The following CMYA5 variants were observed in gnomAD, a reference collection of about 807,000 sequenced individuals.
CMYA5 encodes cardiomyopathy-associated protein 5.
CMYA5 carries 246 observed loss-of-function variants against 318.9 expected under a neutral mutation model. The observed-to-expected ratio is 0.77, with a 90% CI of 0.70 to 0.86. The LOEUF is 0.86. Among genes scored for constraint, CMYA5 ranks in the 40% least tolerant of loss-of-function variants. The pLI, the probability that CMYA5 is intolerant of heterozygous loss-of-function variation, is 0.00. For missense variants in CMYA5, 4,589 were observed against 4,678.2 expected, an observed-to-expected ratio of 0.98 and a Z score of 0.56; for synonymous variants, 1,641 against 1,729.5, an observed-to-expected ratio of 0.95 and a Z score of 1.27.
At chr5:79,771,223 C>T (rs1828850197) in intron 9 of CMYA5, among the ~76,000 whole-genome samples, 1 of 152,210 alleles carries the variant, frequency 6.6e-6, no homozygotes, top group Non-Finnish European at 1.5e-5. Context: ...TATTAGCAGT[C>T]AGGATTTAAA....
rs747292680 is a variant in CMYA5, at chr5:79,732,540, G to A, written c.3775G>A (p.Val1259Ile). The change falls in exon 2 of 13, where the codon GTT becomes ATT. Residue 1259 changes from valine (V) to isoleucine (I), a missense_variant. By Grantham distance (29) the Val-to-Ile change is conservative. Coordinates refer to ENST00000446378, the MANE Select transcript of CMYA5 (RefSeq NM_153610.5). ...EPKKGVKPKL[V>I]LNVTSELEQR... ...AAAGAAGGGTGTCAAGCCCAAATTAGTTCTAAATGTGACTTCTGAACTAGA... is the reference window on the plus strand; with the variant it reads ...AAAGAAGGGTGTCAAGCCCAAATTAATTCTAAATGTGACTTCTGAACTAGA... 2.2e-5 allele frequency: 35 copies of A among 1,612,984 alleles called. No homozygotes were observed. The highest frequency in any genetic ancestry group is 1.6e-4 in the Middle Eastern group (1 of 6,082).
rs775173473 is a variant in CMYA5 at position 79,790,985 on chromosome 5, T to G, written c.11705T>G (p.Leu3902Trp). The G allele has an allele frequency of 3.1e-6, 5 of 1,612,740 alleles. No homozygotes were observed. The African/African-American group carries it at 6.7e-5, about 21-fold the overall frequency. Residue 3902 changes from leucine to tryptophan, a missense_variant, in exon 11 of 13, where the codon TTG becomes TGG. Leu to Trp is a moderately conservative substitution (Grantham distance 61). Around this residue, in one of 3 missense-constraint regions of CMYA5, gnomAD observed 2,431 missense variants for 2,495.1 expected, o/e 0.97. Transcript: ENST00000446378. ...LISTRGTRFLLLRETAHPALH... is the reference protein window; with the variant it reads ...LISTRGTRFLWLRETAHPALH... ...CCTGCAATAGGAACCAGATTTCTCT[T>G]GTTGAGAGAAACAGCTCATCCTGCT... is the stretch of plus-strand genomic sequence containing the variant.
intron 9 of CMYA5, among the ~76,000 whole-genome samples, chr5:79,777,458 A>G (rs1033176922): frequency 2.6e-5 from 4 of 152,156 alleles, no homozygotes; most frequent in African/African-American, 9.7e-5. Context: ...ATCAATACAT[A>G]TGAAACTACT....
intron 9 of CMYA5, among the ~76,000 whole-genome samples, chr5:79,785,465 T>C (rs567835621): frequency 2.4e-4 from 37 of 152,256 alleles, no homozygotes; most frequent in Admixed American, 5.9e-4. Flanking sequence ...TCTTTTTTTG[T>C]TTCCCTCAGT....
At chr5:79,690,155 T>TCGAG in intron 1 of CMYA5, 99 bp downstream of exon 1, 1 of 1,356,634 alleles carries the variant, frequency 7.4e-7, no homozygotes. Flanking sequence ...TTCGTTTGCC[T>TCGAG]CGAGCTAGGC....
Position 79,793,469 on chromosome 5 carries a change from CCT to C in CMYA5, c.11823_11824del (p.Cys3942TrpfsTer43). The C allele has an allele frequency of 6.2e-7, 1 of 1,613,642 alleles. No homozygotes were observed. Among genetic ancestry groups the C allele is most frequent in the South Asian group, 1.1e-5 (1 of 91,066 alleles). On this transcript the variant is annotated frameshift_variant, in exon 12 of 13. Coordinates refer to ENST00000446378, the MANE Select transcript of CMYA5 (RefSeq NM_153610.5). LOFTEE classifies it high-confidence loss of function. ...TCAGTGCTGGGTGAGGAGCTGCCTT[CCT>C]GTGGCCAGCATTACTGGGAAACCAC...
At chr5:79,718,811 T>C (rs761247243) in intron 1 of CMYA5, among the ~76,000 whole-genome samples, 2 of 152,174 alleles carry the variant, frequency 1.3e-5, no homozygotes, top group Non-Finnish European at 2.9e-5. Context: ...TTTTCTGTGT[T>C]TAGCTGTACA....
At position 79,732,799 on chromosome 5, in the gene CMYA5, A is replaced by C. The variant is rs1202456239; in HGVS notation, c.4034A>C (p.Lys1345Thr). 1.1e-5 allele frequency: 17 copies of C among 1,613,642 alleles called. No homozygotes were observed. The highest frequency in any genetic ancestry group is 1.4e-5 in the Non-Finnish European group (17 of 1,179,822). ...TCAGCTTTGTCAGAAGAAATTAAAAAAGAAATTGAACCCAGTTCCTCAACA... is the reference window on the plus strand; with the variant it reads ...TCAGCTTTGTCAGAAGAAATTAAAACAGAAATTGAACCCAGTTCCTCAACA... ...AFSALSEEIK[K>T]EIEPSSSTTT... is the part of the protein sequence containing the mutation. The change falls in exon 2 of 13, where the codon AAA (lysine) becomes ACA (threonine). Residue 1345 changes from lysine (K) to threonine (T), a missense_variant. By Grantham distance (78) the Lys-to-Thr change is moderately conservative (BLOSUM62 -1). Around this residue, in one of 3 missense-constraint regions of CMYA5, gnomAD observed 2,132 missense variants for 2,131.3 expected, o/e 1.00. Transcript: ENST00000446378.
chr5:79,736,258 T>C lies in CMYA5; in HGVS notation c.7493T>C (p.Leu2498Pro), dbSNP rs1391739196. Residue 2498 changes from leucine (L) to proline (P), a missense_variant, in exon 2 of 13, where the codon CTT becomes CCT. Around this residue, in one of 3 missense-constraint regions of CMYA5, gnomAD observed 2,431 missense variants for 2,495.1 expected, o/e 0.97. Coordinates refer to ENST00000446378, the MANE Select transcript of CMYA5 (RefSeq NM_153610.5). Reference protein sequence around the residue: ...SNEIGKTQITLGSRSTELKES... With the variant: ...SNEIGKTQITPGSRSTELKES... ...GAAATAGGGAAGACACAAATTACAC[T>C]TGGATCTAGATCTACTGAACTGAAA... 13 of 1,613,356 alleles carry C rather than the reference T, an allele frequency of 8.1e-6. No individual in the cohort carries two copies. The highest frequency in any genetic ancestry group is 1.1e-5 in the Non-Finnish European group (13 of 1,179,732).
In CMYA5 at chr5:79,734,155, C is replaced by A. The variant is rs1306185446; in HGVS notation, c.5390C>A (p.Pro1797Gln). The change falls in exon 2 of 13, where the codon CCA (proline) becomes CAA (glutamine). Residue 1797 changes from proline (P) to glutamine (Q), a missense_variant. Pro to Gln is a moderately conservative substitution (Grantham distance 76, BLOSUM62 -1). Transcript: ENST00000446378. ...AAGCTAAGTGAAGAAACAGGCCACCCAAATTCATCCCAGGTACTCCAGAGT... is the reference window on the plus strand; with the variant it reads ...AAGCTAAGTGAAGAAACAGGCCACCAAAATTCATCCCAGGTACTCCAGAGT... ...LDKLSEETGHPNSSQVLQSIT... is the reference protein window; with the variant it reads ...LDKLSEETGHQNSSQVLQSIT... 1 of 1,613,760 alleles carries A rather than the reference C, an allele frequency of 6.2e-7. No homozygotes were observed. Among genetic ancestry groups the A allele is most frequent in the Admixed American group, 1.7e-5 (1 of 59,964 alleles).
At chr5:79,750,929 A>G (rs1208973252) in intron 5 of CMYA5, among the ~76,000 whole-genome samples, 1 of 152,162 alleles carries the variant, frequency 6.6e-6, no homozygotes, top group Non-Finnish European at 1.5e-5. Flanking sequence ...CTACATTAAT[A>G]CACATCAGTG....
At chr5:79,692,806 T>G (rs1826993038) in intron 1 of CMYA5, among the ~76,000 whole-genome samples, 1 of 152,234 alleles carries the variant, frequency 6.6e-6, no homozygotes. Context: ...CATTCATCCA[T>G]GAAGGGAGAG....
chr5:79,752,897 T>C (rs1828457668), intron 6 of CMYA5, 103 bp downstream of exon 6: 1 of 740,244 alleles, frequency 1.4e-6, no homozygotes, highest in South Asian at 1.8e-5. Context: ...TGTAAAGACA[T>C]GTAACTGGAA....
chr5:79,786,832 G>A (rs1166312498), intron 9 of CMYA5, among the ~76,000 whole-genome samples: 1 of 152,158 alleles, frequency 6.6e-6, no homozygotes, highest in Non-Finnish European at 1.5e-5. Flanking sequence ...GTGGCAACTT[G>A]TATACAATAA....
chr5:79,766,272 T>G (rs962370362), intron 9 of CMYA5, among the ~76,000 whole-genome samples: 19 of 152,092 alleles, frequency 1.2e-4, no homozygotes, highest in Middle Eastern at 6.8e-3. Context: ...CTAATTTTTT[T>G]GGGTATTTTT....
In CMYA5 at chr5:79,732,811, C is replaced by G; in HGVS notation, c.4046C>G (p.Pro1349Arg). 2 of 1,613,694 alleles carry G rather than the reference C, an allele frequency of 1.2e-6. No individual in the cohort carries two copies. Among genetic ancestry groups the G allele is most frequent in the South Asian group, 1.1e-5 (1 of 91,044 alleles). ...GAAGAAATTAAAAAAGAAATTGAAC[C>G]CAGTTCCTCAACAACTACAGCATCT... is the stretch of plus-strand genomic sequence containing the variant. ...LSEEIKKEIE[P>R]SSSTTTASVT... is the part of the protein sequence containing the mutation. The change falls in exon 2 of 13, where the codon CCC becomes CGC. Residue 1349 changes from proline (P) to arginine (R), a missense_variant. By Grantham distance (103) the Pro-to-Arg change is moderately radical (BLOSUM62 -2). This residue lies in a region of CMYA5 where 2,132 missense variants were observed against 2,131.3 expected (regional missense o/e 1.00). Coordinates refer to ENST00000446378, the MANE Select transcript of CMYA5 (RefSeq NM_153610.5).
chr5:79,715,721 C>G (rs1295581676), intron 1 of CMYA5, among the ~76,000 whole-genome samples: 3 of 152,190 alleles, frequency 2.0e-5, no homozygotes, highest in Non-Finnish European at 4.4e-5. Context: ...GGGCCTGAAG[C>G]TAAAGTAACC....
At position 79,734,302 on chromosome 5, in the gene CMYA5, A is replaced by G; in HGVS notation, c.5537A>G (p.Lys1846Arg). The G allele has an allele frequency of 6.2e-7, 1 of 1,613,738 alleles. No homozygotes were observed. Among genetic ancestry groups the G allele is most frequent in the Non-Finnish European group, 8.5e-7 (1 of 1,179,776 alleles). ...GATGTAAGCACCTCTTCTGAAGATA[A>G]ACAAGATCTGGGTATTAAGCAGTTT... ...LPDVSTSSED[K>R]QDLGIKQFSL... The change falls in exon 2 of 13, where the codon AAA (lysine) becomes AGA (arginine). Residue 1846 changes from lysine (K) to arginine (R), a missense_variant. Lys to Arg is a conservative substitution (Grantham distance 26). Coordinates refer to ENST00000446378, the MANE Select transcript of CMYA5 (RefSeq NM_153610.5).
chr5:79,757,765 T>A (rs1828558846), intron 6 of CMYA5, among the ~76,000 whole-genome samples: 1 of 152,228 alleles, frequency 6.6e-6, no homozygotes, highest in African/African-American at 2.4e-5. Flanking sequence ...AGTTGTTGCC[T>A]CCTCTAACCT....
Sources: gnomAD v4.1 joint callset for allele counts (sites outside exome capture counted in the v4.1 genomes callset) on GRCh38, gnomAD v4.1.1 for gene constraint, gnomAD v4.1.1 regional missense constraint, MANE v1.5 for transcripts, NCBI Gene and HGNC (gene_info 2026-07-23, HGNC 2026-07-21) for gene names.